SEZ6L: variants seen among roughly 807,000 people sequenced by gnomAD.
The protein encoded by SEZ6L is seizure 6-like protein.
A neutral mutation model predicts 106.2 loss-of-function variants in SEZ6L; 37 were observed. That is an observed-to-expected ratio of 0.35 (90% CI 0.27 to 0.46). SEZ6L has a LOEUF of 0.46. Among genes scored for constraint, SEZ6L ranks in the 20% least tolerant of loss-of-function variants. SEZ6L has a pLI of 1.00. For missense variants in SEZ6L, 1,172 were observed against 1,332.8 expected (o/e 0.88, Z 1.88); for synonymous variants, 541 against 570.4 (o/e 0.95, Z 0.73).
chr22:26,247,940 G>A (rs1024770497), intron 1 of SEZ6L, among the ~76,000 whole-genome samples: 2 of 152,062 alleles, frequency 1.3e-5, no homozygotes, highest in African/African-American at 4.8e-5. Flanking sequence ...CAATGACCTG[G>A]GCTGTCTCCT....
intron 16 of SEZ6L, 83 bp downstream of exon 16, chr22:26,377,858 C>G (rs570473225): frequency 1.2e-5 from 13 of 1,085,950 alleles, no homozygotes; most frequent in African/African-American, 6.2e-5. Flanking sequence ...CATTTCATTT[C>G]CTATTGCTCA....
chr22:26,263,148 C>T (rs1360781816), intron 1 of SEZ6L, among the ~76,000 whole-genome samples: 3 of 152,198 alleles, frequency 2.0e-5, no homozygotes, highest in Non-Finnish European at 4.4e-5. Flanking sequence ...ACATTAACTC[C>T]TCCCCTGGAC....
At chr22:26,270,828 A>G (rs572718974) in intron 1 of SEZ6L, among the ~76,000 whole-genome samples, 20 of 152,276 alleles carry the variant, frequency 1.3e-4, no homozygotes, top group African/African-American at 4.8e-4. Context: ...TGCCTGGACA[A>G]CCTGCTCCCC....
intron 5 of SEZ6L, among the ~76,000 whole-genome samples, chr22:26,304,384 GA>G (rs1188838167): frequency 6.1e-5 from 6 of 98,596 alleles, no homozygotes; most frequent in Admixed American, 9.7e-5. Context: ...AAGAAAGAAA[GA>G]AAGAAAGAAA....
rs555823410 is a variant in SEZ6L, at chr22:26,251,790, G to A, written c.95-40616G>A. On this transcript the variant is annotated intron_variant, in intron 1 of 16. Coordinates refer to ENST00000248933, the MANE Select transcript of SEZ6L (RefSeq NM_021115.5). ...AGACTCACAGCCCCTGAGCCAGGAT[G>A]GACATCTATATCCCAACACACATTC... Among the ~76,000 whole-genome samples the A allele has an allele frequency of 2.6e-5, 4 of 152,294 alleles. No homozygotes were observed. In the East Asian group the frequency reaches 5.8e-4, roughly 22 times the overall value.
intron 1 of SEZ6L, among the ~76,000 whole-genome samples, chr22:26,260,716 T>C (rs1273202332): frequency 6.6e-6 from 1 of 152,210 alleles, no homozygotes; most frequent in Admixed American, 6.5e-5. Flanking sequence ...CTTTTTCATA[T>C]AATGACCTCT....
intron 1 of SEZ6L, among the ~76,000 whole-genome samples, chr22:26,287,264 T>C (rs2080966836): frequency 1.3e-5 from 2 of 152,158 alleles, no homozygotes; most frequent in Non-Finnish European, 2.9e-5. Flanking sequence ...GCTCCATCTC[T>C]TCTGTTTGAT....
At chr22:26,293,230 C>T in intron 2 of SEZ6L, 84 bp downstream of exon 2, 2 of 1,437,452 alleles carry the variant, frequency 1.4e-6, no homozygotes, top group Non-Finnish European at 9.1e-7. Flanking sequence ...AGAGGAATCT[C>T]AAGAAGCCCC....
At chr22:26,212,830 T>A (rs1467195225) in intron 1 of SEZ6L, among the ~76,000 whole-genome samples, 1 of 152,120 alleles carries the variant, frequency 6.6e-6, no homozygotes, top group African/African-American at 2.4e-5. Flanking sequence ...ATGTGGTCCC[T>A]GGAGAATAAG....
At chr22:26,300,304 C>G (rs1376103713) in intron 5 of SEZ6L, among the ~76,000 whole-genome samples, 5 of 152,190 alleles carry the variant, frequency 3.3e-5, no homozygotes, top group Admixed American at 6.5e-5. Context: ...TCCCTCCCCC[C>G]TCTCCCCACC....
intron 6 of SEZ6L, among the ~76,000 whole-genome samples, chr22:26,309,645 C>G (rs570799182): frequency 6.6e-6 from 1 of 152,238 alleles, no homozygotes; most frequent in African/African-American, 2.4e-5. Context: ...GTGGCTCGAT[C>G]TCGGCTCACT....
intron 1 of SEZ6L, among the ~76,000 whole-genome samples, chr22:26,239,898 T>TC (rs1425262682): frequency 6.7e-6 from 1 of 150,100 alleles, no homozygotes; most frequent in Non-Finnish European, 1.5e-5. Flanking sequence ...CCCTCTGCCA[T>TC]CCCCCCACAA....
chr22:26,210,701 G>T (rs2078132706), intron 1 of SEZ6L, among the ~76,000 whole-genome samples: 1 of 151,968 alleles, frequency 6.6e-6, no homozygotes, highest in Non-Finnish European at 1.5e-5. Context: ...TAATCCAAAG[G>T]ACTCCTAGGG....
chr22:26,292,763 C>T lies in SEZ6L; in HGVS notation c.452C>T (p.Ser151Phe). 2 of 1,614,170 alleles carry T rather than the reference C, an allele frequency of 1.2e-6. No individual in the cohort carries two copies. Among genetic ancestry groups the T allele is most frequent in the Non-Finnish European group, 1.7e-6 (2 of 1,180,000 alleles). The change falls in exon 2 of 17, where the codon TCC (serine) becomes TTC (phenylalanine). Residue 151 changes from serine to phenylalanine, a missense_variant. By Grantham distance (155) the Ser-to-Phe change is radical. This residue lies in a region of SEZ6L where 494 missense variants were observed against 445.8 expected (regional missense o/e 1.11). Coordinates refer to ENST00000248933, the MANE Select transcript of SEZ6L (RefSeq NM_021115.5). Reference protein sequence around the residue: ...TVQRAGSQPASQGLDLLSSST... With the variant: ...TVQRAGSQPAFQGLDLLSSST... ...CAAAGGGCAGGGTCCCAGCCAGCGT[C>T]CCAGGGCCTAGATCTCCTCTCCTCC...
chr22:26,259,441 CA>C (rs2079928111), intron 1 of SEZ6L, among the ~76,000 whole-genome samples: 1 of 152,200 alleles, frequency 6.6e-6, no homozygotes, highest in Non-Finnish European at 1.5e-5. Context: ...TACTCTGCTC[CA>C]ACTAGCTTTC....
At chr22:26,374,766 G>A (rs1047520981) in intron 14 of SEZ6L, among the ~76,000 whole-genome samples, 3 of 152,216 alleles carry the variant, frequency 2.0e-5, no homozygotes, top group Admixed American at 6.5e-5. Context: ...TAGAAGGAAT[G>A]TAGGATCCCC....
chr22:26,175,380 G>A (rs1466642790), intron 1 of SEZ6L, among the ~76,000 whole-genome samples: 1 of 152,096 alleles, frequency 6.6e-6, no homozygotes, highest in Admixed American at 6.5e-5. Flanking sequence ...TATAGATGAG[G>A]AAACCAAGGC....
intron 9 of SEZ6L, among the ~76,000 whole-genome samples, chr22:26,334,887 G>C (rs2082597694): frequency 6.6e-6 from 1 of 152,126 alleles, no homozygotes; most frequent in African/African-American, 2.4e-5. Flanking sequence ...GTCACAGTCA[G>C]ACCAAGCCTG....
intron 1 of SEZ6L, among the ~76,000 whole-genome samples, chr22:26,175,960 T>C (rs989452884): frequency 7.9e-5 from 12 of 152,228 alleles, no homozygotes; most frequent in Non-Finnish European, 1.5e-5. Flanking sequence ...AGTGCTGGCA[T>C]GGAAGGCTGA....
Sources: gnomAD v4.1 joint callset for allele counts (sites outside exome capture counted in the v4.1 genomes callset) on GRCh38, gnomAD v4.1.1 for gene constraint, gnomAD v4.1.1 regional missense constraint, MANE v1.5 for transcripts, NCBI Gene and HGNC (gene_info 2026-07-23, HGNC 2026-07-21) for gene names.